The following IL16 variants were observed in gnomAD, a reference collection of about 807,000 sequenced individuals.
IL16 encodes interleukin 16.
IL16 carries 67 observed loss-of-function variants against 110.1 expected under a neutral mutation model. The observed-to-expected ratio is 0.61, with a 90% CI of 0.50 to 0.75. The LOEUF (loss-of-function observed/expected upper bound fraction) is 0.75. Among genes scored for constraint, IL16 ranks in the 30% least tolerant of loss-of-function variants. The pLI, the probability that IL16 is intolerant of heterozygous loss-of-function variation, is 0.00. For missense variants in IL16, 1,545 were observed against 1,655.0 expected, an observed-to-expected ratio of 0.93 and a Z score of 1.15; for synonymous variants, 689 against 662.9, an observed-to-expected ratio of 1.04 and a Z score of -0.61.
intron 18 of IL16, 161 bp downstream of exon 18, chr15:81,306,706 A>T (rs1452630341): frequency 1.2e-6 from 1 of 848,264 alleles, no homozygotes; most frequent in African/African-American, 1.7e-5. Context: ...TGCTTTTTCT[A>T]CTTTTTCTCC....
intron 9 of IL16, 33 bp downstream of exon 9, chr15:81,282,789 C>G (rs369305349): frequency 1.4e-6 from 2 of 1,398,662 alleles, no homozygotes; most frequent in Non-Finnish European, 1.0e-6. Context: ...GAATATACCC[C>G]CGACTTACAA....
intron 1 of IL16, among the ~76,000 whole-genome samples, chr15:81,187,773 A>G (rs1895439546): frequency 6.6e-6 from 1 of 152,194 alleles, no homozygotes; most frequent in Admixed American, 6.5e-5. Flanking sequence ...TTGCCTGCAA[A>G]GGCCCCCAGT....
At chr15:81,282,497 G>A in intron 8 of IL16, 142 bp from the exon 9 acceptor site, 1 of 689,132 alleles carries the variant, frequency 1.5e-6, no homozygotes, top group Admixed American at 2.0e-5. Flanking sequence ...AGCGGTGCCT[G>A]CACACAACGA....
intron 1 of IL16, among the ~76,000 whole-genome samples, chr15:81,200,948 A>C (rs1595939808): frequency 6.6e-6 from 1 of 152,150 alleles, no homozygotes; most frequent in East Asian, 1.9e-4. Flanking sequence ...GCCCAGTCTT[A>C]TGCGCTTTCC....
intron 2 of IL16, among the ~76,000 whole-genome samples, chr15:81,244,563 G>T (rs1205999128): frequency 6.6e-6 from 1 of 151,980 alleles, no homozygotes; most frequent in Non-Finnish European, 1.5e-5. Flanking sequence ...CATCTGAATT[G>T]AGTTTCCTTT....
intron 1 of IL16, among the ~76,000 whole-genome samples, chr15:81,183,230 G>T (rs925697434): frequency 6.6e-6 from 1 of 152,162 alleles, no homozygotes; most frequent in Non-Finnish European, 1.5e-5. Flanking sequence ...CATGTGCCCC[G>T]GCTTCCTCTT....
At chr15:81,238,512 A>G (rs1897246607) in intron 2 of IL16, among the ~76,000 whole-genome samples, 1 of 152,186 alleles carries the variant, frequency 6.6e-6, no homozygotes, top group South Asian at 2.1e-4. Context: ...CACTTCGAGT[A>G]AAGTGTAGAA....
intron 6 of IL16, among the ~76,000 whole-genome samples, chr15:81,275,133 T>G (rs55697022): frequency 0.18 from 26,423 of 149,554 alleles, 2,557 homozygotes; most frequent in Middle Eastern, 0.29. Flanking sequence ...TTATATAGAG[T>G]AAGAGGCACT....
At chr15:81,186,103 C>T (rs551194080) in intron 1 of IL16, among the ~76,000 whole-genome samples, 4 of 152,258 alleles carry the variant, frequency 2.6e-5, no homozygotes, top group Admixed American at 1.3e-4. Flanking sequence ...AGTGTGCATC[C>T]CTCACTACCA....
rs57484982 is a variant in IL16, at chr15:81,247,076, C to CTTTTTTTTTTTTTTTT, written c.313-12691_313-12676dup. ...TTTGTGTTTTCTTTCTTTTCTTTTC[C>CTTTTTTTTTTTTTTTT]TTTTTTTTTTTTTTTTTTTTGATCT... On this transcript the variant is annotated intron_variant, in intron 2 of 18. Transcript: ENST00000683961. 1.3e-3 allele frequency among the ~76,000 whole-genome samples: 125 copies of CTTTTTTTTTTTTTTTT among 92,594 alleles called. 2 individuals carry two copies. The highest frequency in any genetic ancestry group is 2.7e-3 in the East Asian group (10 of 3,658). 60.7% of individuals were successfully genotyped at this position (92,594 alleles called of 152,430 possible). A position where few individuals can be genotyped will look rare whatever the true frequency, so the allele number is the denominator to read the frequency against.
At position 81,265,913 on chromosome 15, in the gene IL16, A is replaced by G. The variant is rs893193781; in HGVS notation, c.564+112A>G. The stretch of plus-strand genomic sequence containing the variant: ...TCCCAGTAGTTTTTTTGTCCGCAGA[A>G]CTACAGAGGAGAGGGTCTCGCTTAG... On this transcript the variant is annotated intron_variant, in intron 4 of 18. Transcript: ENST00000683961. 44 of 967,566 alleles carry G rather than the reference A, an allele frequency of 4.5e-5. No homozygotes were observed. In the African/African-American group the frequency reaches 6.3e-4, roughly 14 times the overall value. The allele number at this position is 967,566 out of a possible 1,614,324, so 59.9% of individuals were successfully genotyped here. A position where few individuals can be genotyped will look rare whatever the true frequency, so the allele number is the denominator to read the frequency against.
Position 81,310,438 on chromosome 15 carries a change from G to A in IL16, c.*1640G>A, listed in dbSNP as rs1268199080. 1 of 152,152 alleles carries A rather than the reference G, an allele frequency of 6.6e-6. No homozygotes were observed. Among genetic ancestry groups the A allele is most frequent in the Non-Finnish European group, 1.5e-5 (1 of 68,036 alleles). 9.4% of individuals were successfully genotyped at this position (152,152 alleles called of 1,614,324 possible). A position where few individuals can be genotyped will look rare whatever the true frequency, so the allele number is the denominator to read the frequency against. On this transcript the variant is annotated 3_prime_UTR_variant, in exon 19 of 19. Coordinates refer to ENST00000683961, the MANE Select transcript of IL16 (RefSeq NM_172217.5). ...GCTTAGAGCAGTTTCTGTCCTGCTG[G>A]TTAACTTGTTTGGCCTATTCCATTC...
At chr15:81,211,418 A>AT (rs1193716344) in intron 1 of IL16, among the ~76,000 whole-genome samples, 1 of 151,936 alleles carries the variant, frequency 6.6e-6, no homozygotes, top group Admixed American at 6.6e-5. Context: ...TGCTCAGCTA[A>AT]TTTTGCAGTT....
chr15:81,267,425 C>T (rs1312030806), intron 4 of IL16, among the ~76,000 whole-genome samples: 1 of 151,492 alleles, frequency 6.6e-6, no homozygotes, highest in East Asian at 1.9e-4. Flanking sequence ...GAGACAGAAC[C>T]AATAAGAGAT....
chr15:81,286,526 C>A (rs900402100), intron 10 of IL16, among the ~76,000 whole-genome samples: 8 of 152,154 alleles, frequency 5.3e-5, no homozygotes, highest in Admixed American at 2.0e-4. Context: ...GGTTACACTG[C>A]AGAGGGCTTT....
At chr15:81,296,862 T>G in intron 12 of IL16, 66 bp from the exon 13 acceptor site, 1 of 1,422,390 alleles carries the variant, frequency 7.0e-7, no homozygotes, top group Non-Finnish European at 9.6e-7. Context: ...AATCAAAGCG[T>G]GTCTCGCCTT....
At position 81,265,952 on chromosome 15, in the gene IL16, G is replaced by A. The variant is rs1898364697; in HGVS notation, c.564+151G>A. 5 of 728,974 alleles carry A rather than the reference G, an allele frequency of 6.9e-6. No homozygotes were observed. In the South Asian group the frequency reaches 8.0e-5, roughly 12 times the overall value. The allele number at this position is 728,974 out of a possible 1,614,324, so 45.2% of individuals were successfully genotyped here. ...GGTCTCGCTTAGTAGCTGCAAGAAG[G>A]TACAACCATCTCTGGGCTGAGAACC... is the stretch of plus-strand genomic sequence containing the variant. On this transcript the variant is annotated intron_variant, in intron 4 of 18. Coordinates refer to ENST00000683961, the MANE Select transcript of IL16 (RefSeq NM_172217.5).
chr15:81,257,636 G>A lies in IL16; in HGVS notation c.313-2136G>A, dbSNP rs905237208. Reference sequence around the variant, plus strand: ...GTGGCAGGGGCTGGAGCTGAGGGTGGGTTATTTGGCACACAGCGAGAGGCA... The same window carrying A: ...GTGGCAGGGGCTGGAGCTGAGGGTGAGTTATTTGGCACACAGCGAGAGGCA... On this transcript the variant is annotated intron_variant, in intron 2 of 18. Transcript: ENST00000683961. Among the ~76,000 whole-genome samples the A allele has an allele frequency of 3.9e-5, 6 of 152,228 alleles. 1 individual carries two copies. The South Asian group carries it at 1.2e-3, about 32-fold the overall frequency.
chr15:81,278,809 C>G lies in IL16; in HGVS notation c.791-8C>G, dbSNP rs371944112. 1.3e-6 allele frequency: 2 copies of G among 1,594,610 alleles called. No individual in the cohort carries two copies. The highest frequency in any genetic ancestry group is 1.7e-6 in the Non-Finnish European group (2 of 1,162,226). Reference sequence around the variant, plus strand: ...CTCTTCTTAGCTACACTTTCTCTCTCTAAACAGGTGATGAAATTCTGGAGC... The same window carrying G: ...CTCTTCTTAGCTACACTTTCTCTCTGTAAACAGGTGATGAAATTCTGGAGC... On this transcript the variant is annotated splice_region_variant and splice_polypyrimidine_tract_variant and intron_variant, in intron 6 of 18. Transcript: ENST00000683961.
Sources: gnomAD v4.1 joint callset for allele counts (sites outside exome capture counted in the v4.1 genomes callset) on GRCh38, gnomAD v4.1.1 for gene constraint, MANE v1.5 for transcripts, NCBI Gene and HGNC (gene_info 2026-07-23, HGNC 2026-07-21) for gene names.